Variants in NT5E observed in about 807,000 individuals in gnomAD.
The protein encoded by NT5E is 5'-nucleotidase ecto, also known as 5'-nucleotidase.
A neutral mutation model predicts 55.1 loss-of-function variants in NT5E; 53 were observed. The ratio of observed to expected loss-of-function variants is 0.96; its 90% confidence interval spans 0.77 to 1.21. The LOEUF (loss-of-function observed/expected upper bound fraction) is 1.21. Among genes scored for constraint, NT5E ranks in the 50% most tolerant of loss-of-function variants. NT5E has a pLI of 0.00. For missense variants in NT5E, 683 were observed against 724.3 expected (o/e 0.94, Z 0.65); for synonymous variants, 270 against 278.4 (o/e 0.97, Z 0.30).
intron 3 of NT5E, among the ~76,000 whole-genome samples, chr6:85,473,459 A>G (rs1412816541): frequency 6.6e-6 from 1 of 152,180 alleles, no homozygotes. Context: ...AGGCAGTGTC[A>G]GCACCCTTGG....
intron 3 of NT5E, among the ~76,000 whole-genome samples, chr6:85,479,976 G>A (rs1174801557): frequency 6.6e-6 from 1 of 152,036 alleles, no homozygotes; most frequent in African/African-American, 2.4e-5. Context: ...CTGGCAGAAA[G>A]CTAAGTATTT....
rs760047942 is a variant in NT5E at position 85,491,949 on chromosome 6, G to A, written c.1361-28G>A. 8 of 1,602,770 alleles carry A rather than the reference G, an allele frequency of 5.0e-6. No individual in the cohort carries two copies. In the East Asian group the frequency reaches 1.8e-4, roughly 36 times the overall value. ...GAAACAGAAATCTCCCTTTGGATCT[G>A]GTGAAAACAGATTCATTTCTTTTCT... On this transcript the variant is annotated intron_variant, in intron 7 of 8. Coordinates refer to ENST00000257770, the MANE Select transcript of NT5E (RefSeq NM_002526.4).
chr6:85,462,824 C>T (rs1769121785), intron 1 of NT5E, among the ~76,000 whole-genome samples: 1 of 152,198 alleles, frequency 6.6e-6, no homozygotes, highest in African/African-American at 2.4e-5. Context: ...AGTGAGAAAC[C>T]AAGTTGCTTG....
intron 1 of NT5E, among the ~76,000 whole-genome samples, chr6:85,454,821 T>C (rs923775139): frequency 7.2e-5 from 11 of 152,216 alleles, no homozygotes; most frequent in African/African-American, 2.7e-4. Flanking sequence ...AATCTGTGGC[T>C]ATGCAATTCA....
At chr6:85,491,087 G>T (rs1371226148) in intron 7 of NT5E, 3 of 530,084 alleles carry the variant, frequency 5.7e-6, no homozygotes, top group South Asian at 4.3e-5. Context: ...CCTGGAAGGA[G>T]CAGCCTACTG....
chr6:85,492,184 A>G lies in NT5E; in HGVS notation c.1561+7A>G. The G allele has an allele frequency of 1.9e-6, 3 of 1,613,452 alleles. No individual in the cohort carries two copies. The highest frequency in any genetic ancestry group is 2.5e-6 in the Non-Finnish European group (3 of 1,179,386). On this transcript the variant is annotated splice_region_variant and intron_variant, in intron 8 of 8. Transcript: ENST00000257770. ...TTATTAAGACATGACTCTGGTAAGCATGACTGTCTCTTCCTTTCTCTAAAG... is the reference window on the plus strand; with the variant it reads ...TTATTAAGACATGACTCTGGTAAGCGTGACTGTCTCTTCCTTTCTCTAAAG...
At chr6:85,453,008 G>A (rs199817603) in intron 1 of NT5E, among the ~76,000 whole-genome samples, 5 of 152,136 alleles carry the variant, frequency 3.3e-5, no homozygotes, top group Non-Finnish European at 7.3e-5. Flanking sequence ...GAGTCCCCTC[G>A]AGCAGGAACT....
rs190733927 is a variant in NT5E at position 85,492,355 on chromosome 6, C to T, written c.1561+178C>T. Among the ~76,000 whole-genome samples, 13 of 152,272 alleles carry T rather than the reference C, an allele frequency of 8.5e-5. No homozygotes were observed. The East Asian group carries it at 1.5e-3, about 18-fold the overall frequency. Reference sequence around the variant, plus strand: ...GAGGAATATGTACCCTGTCAATCCCCGAGCACACACATGCCTTCATCCAAC... The same window carrying T: ...GAGGAATATGTACCCTGTCAATCCCTGAGCACACACATGCCTTCATCCAAC... On this transcript the variant is annotated intron_variant, in intron 8 of 8. Coordinates refer to ENST00000257770, the MANE Select transcript of NT5E (RefSeq NM_002526.4).
intron 5 of NT5E, among the ~76,000 whole-genome samples, chr6:85,488,300 T>C (rs541827869): frequency 2.0e-5 from 3 of 152,330 alleles, no homozygotes; most frequent in African/African-American, 7.2e-5. Flanking sequence ...TTTCTGTCAG[T>C]GCTTGGCATG....
chr6:85,485,890 C>A (rs369286707), intron 4 of NT5E, among the ~76,000 whole-genome samples: 13 of 152,218 alleles, frequency 8.5e-5, no homozygotes, highest in Admixed American at 5.2e-4. Flanking sequence ...GAGTCTATTG[C>A]GGGATCTGGC....
chr6:85,485,579 C>T (rs2127724396), intron 4 of NT5E, 147 bp downstream of exon 4: 6 of 840,812 alleles, frequency 7.1e-6, no homozygotes, highest in East Asian at 2.6e-5. Context: ...TTGCCCTCTT[C>T]ATGGATAGAT....
At position 85,494,327 on chromosome 6, in the gene NT5E, G is replaced by T; in HGVS notation, c.*323G>T. ...ATATCCATTTCTAATCCATCAAACA[G>T]CTTATGTTTACATAAAATTTTATCA... On this transcript the variant is annotated 3_prime_UTR_variant, in exon 9 of 9. Transcript: ENST00000257770. 1 of 254,850 alleles carries T rather than the reference G, an allele frequency of 3.9e-6. No individual in the cohort carries two copies. Among genetic ancestry groups the T allele is most frequent in the Non-Finnish European group, 7.5e-6 (1 of 132,494 alleles). 15.8% of individuals were successfully genotyped at this position (254,850 alleles called of 1,614,324 possible).
chr6:85,488,474 A>G (rs1188911414), intron 5 of NT5E, among the ~76,000 whole-genome samples: 3 of 152,252 alleles, frequency 2.0e-5, no homozygotes, highest in Non-Finnish European at 4.4e-5. Flanking sequence ...TGTTAAGAGA[A>G]GTCTGGAGGG....
At chr6:85,462,329 C>T (rs1769113786) in intron 1 of NT5E, among the ~76,000 whole-genome samples, 1 of 152,156 alleles carries the variant, frequency 6.6e-6, no homozygotes, top group Non-Finnish European at 1.5e-5. Context: ...AAAGCCCTGA[C>T]TCCTTGGACA....
At chr6:85,490,424 C>G in intron 6 of NT5E, 84 bp from the exon 7 acceptor site, 1 of 1,480,766 alleles carries the variant, frequency 6.8e-7, no homozygotes, top group Non-Finnish European at 9.4e-7. Flanking sequence ...CTCATTTCTT[C>G]CCCCAGCGCT....
At chr6:85,488,971 AAAGT>A (rs1256055626) in intron 5 of NT5E, among the ~76,000 whole-genome samples, 1 of 152,058 alleles carries the variant, frequency 6.6e-6, no homozygotes, top group Non-Finnish European at 1.5e-5. Flanking sequence ...TTGTAAAATA[AAAGT>A]AAGAATGGAT....
At chr6:85,477,012 C>T (rs2127722512) in intron 3 of NT5E, among the ~76,000 whole-genome samples, 1 of 152,256 alleles carries the variant, frequency 6.6e-6, no homozygotes, top group South Asian at 2.1e-4. Flanking sequence ...GGAGCCATTG[C>T]CAGGGACCCC....
chr6:85,464,250 C>T lies in NT5E; in HGVS notation c.340-2810C>T, dbSNP rs116450709. On this transcript the variant is annotated intron_variant, in intron 1 of 8. Transcript: ENST00000257770. ...AACTTCTCTAGATCTCAGATTTTCT[C>T]ATCAGTAAAATGAGTGCAGTAAGAG... 9.7e-3 allele frequency among the ~76,000 whole-genome samples: 1,478 copies of T among 152,200 alleles called. 25 individuals are homozygous for T. The highest frequency in any genetic ancestry group is 0.034 in the African/African-American group (1,404 of 41,512).
chr6:85,470,855 C>G (rs536830170), intron 2 of NT5E, among the ~76,000 whole-genome samples: 1 of 152,228 alleles, frequency 6.6e-6, no homozygotes, highest in South Asian at 2.1e-4. Context: ...AAGTTTCCAA[C>G]GAACGTCTTG....
Sources: allele counts gnomAD v4.1 joint callset (sites outside exome capture counted in the v4.1 genomes callset), GRCh38; gene constraint gnomAD v4.1.1; transcripts MANE v1.5; gene names NCBI Gene and HGNC (gene_info 2026-07-23, HGNC 2026-07-21).